Variants in DEFB121 observed in about 807,000 individuals in gnomAD.
DEFB121 encodes beta-defensin 121.
In DEFB121, 5 loss-of-function variants were observed where a neutral mutation model predicts 2.5. The ratio of observed to expected loss-of-function variants is 1.96; its 90% CI spans 1.03 to 4.13. The LOEUF (loss-of-function observed/expected upper bound fraction) is 4.13. Among genes scored for constraint, DEFB121 ranks in the 30% most tolerant of loss-of-function variants. DEFB121 has a pLI of 0.00. For missense variants in DEFB121, 87 were observed against 85.0 expected, an observed-to-expected ratio of 1.02 and a Z score of -0.09; for synonymous variants, 39 against 32.6, an observed-to-expected ratio of 1.20 and a Z score of -0.67.
At chr20:31,408,172 A>T (rs1978546704), upstream of DEFB121, among the ~76,000 whole-genome samples, 1 of 152,218 alleles carries the variant, frequency 6.6e-6, no homozygotes, top group African/African-American at 2.4e-5. Flanking sequence ...AGCCAGGAGC[A>T]GAGGCTCCTG....
At chr20:31,409,398 T>C (rs1302045170), upstream of DEFB121, among the ~76,000 whole-genome samples, 5 of 152,306 alleles carry the variant, frequency 3.3e-5, no homozygotes, top group Admixed American at 3.3e-4. Flanking sequence ...TGTAATAGAA[T>C]ACTATTCAGC....
chr20:31,405,728 C>T (rs1165371372), intron 1 of DEFB121, among the ~76,000 whole-genome samples: 1 of 152,144 alleles, frequency 6.6e-6, no homozygotes, highest in Non-Finnish European at 1.5e-5. Context: ...AATTTGAGAA[C>T]CATTTTCCTA....
In DEFB121 at chr20:31,405,044, ATGT is replaced by A. The variant is rs1239655627; in HGVS notation, c.97_99del (p.Thr33del). The A allele has an allele frequency of 1.2e-6, 2 of 1,610,612 alleles. No individual in the cohort carries two copies. Among genetic ancestry groups the A allele is most frequent in the Non-Finnish European group, 1.7e-6 (2 of 1,179,220 alleles). On this transcript the variant is annotated inframe_deletion, in exon 2 of 2. Coordinates refer to ENST00000376314, the MANE Select transcript of DEFB121 (RefSeq NM_001011878.3). ...ATATAGTATACTTCACTTTCTTTAC[ATGT>A]TGTTCTGCACCTGCCTGACTTGCCC...
chr20:31,418,068 G>T, the DEFB121 span, among the ~76,000 whole-genome samples: 1 of 150,242 alleles, frequency 6.7e-6, no homozygotes, highest in African/African-American at 2.4e-5. Context: ...AGACCATCCC[G>T]GCTAAAACGG....
chr20:31,418,454 T>C, the DEFB121 span, among the ~76,000 whole-genome samples: 1 of 152,088 alleles, frequency 6.6e-6, no homozygotes, highest in East Asian at 1.9e-4. Flanking sequence ...CAACTCTAGA[T>C]AGAAAACTGG....
chr20:31,411,753 C>A (rs1978671827), intron 1 of DEFB121, among the ~76,000 whole-genome samples: 1 of 152,124 alleles, frequency 6.6e-6, no homozygotes, highest in South Asian at 2.1e-4. Context: ...TGTCCAGGAG[C>A]CTGGAGTCCA....
chr20:31,410,625 A>T (rs1260011357), upstream of DEFB121, among the ~76,000 whole-genome samples: 1 of 152,178 alleles, frequency 6.6e-6, no homozygotes, highest in African/African-American at 2.4e-5. Context: ...TGCTATATTG[A>T]CAAGGGGCTT....
upstream of DEFB121, among the ~76,000 whole-genome samples, chr20:31,408,766 C>T (rs1978568729): frequency 6.6e-6 from 1 of 152,218 alleles, no homozygotes; most frequent in African/African-American, 2.4e-5. Flanking sequence ...TGGCTCACGC[C>T]TGTAATTCCA....
chr20:31,406,051 A>C (rs541858498), intron 1 of DEFB121, 44 bp downstream of exon 1: 4 of 1,609,304 alleles, frequency 2.5e-6, no homozygotes, highest in Non-Finnish European at 3.4e-6. Flanking sequence ...CTGAACATGC[A>C]TCAGGTTTCC....
chr20:31,406,074 C>T, intron 1 of DEFB121, 21 bp downstream of exon 1: 8 of 1,613,802 alleles, frequency 5.0e-6, no homozygotes, highest in Non-Finnish European at 6.8e-6. Flanking sequence ...ACTCCCATCC[C>T]CTTCTGGAGA....
chr20:31,409,665 C>A (rs1313456563), upstream of DEFB121, among the ~76,000 whole-genome samples: 1 of 152,054 alleles, frequency 6.6e-6, no homozygotes, highest in Non-Finnish European at 1.5e-5. Context: ...TGCTTGAACC[C>A]GGGAGGCGGA....
At chr20:31,416,105 G>A (rs1376120352), upstream of DEFB121, among the ~76,000 whole-genome samples, 1 of 151,914 alleles carries the variant, frequency 6.6e-6, no homozygotes, top group African/African-American at 2.4e-5. Context: ...CTGTCACACA[G>A]GCTGGAGTTC....
At chr20:31,417,778 C>T (rs901022030), upstream of DEFB121, among the ~76,000 whole-genome samples, 4 of 151,926 alleles carry the variant, frequency 2.6e-5, no homozygotes, top group African/African-American at 9.7e-5. Flanking sequence ...GCCTGGCCAA[C>T]ATGGTGAAAC....
chr20:31,409,244 ACTC>A (rs566973021), upstream of DEFB121, among the ~76,000 whole-genome samples: 144 of 152,222 alleles, frequency 9.5e-4, no homozygotes, highest in African/African-American at 3.3e-3. Flanking sequence ...CAACCAAACA[ACTC>A]CTCTCTTTGG....
At chr20:31,410,015 A>G (rs777991728), upstream of DEFB121, among the ~76,000 whole-genome samples, 1 of 152,338 alleles carries the variant, frequency 6.6e-6, no homozygotes, top group Non-Finnish European at 1.5e-5. Flanking sequence ...CAAAATTTAC[A>G]CATTATGTTT....
At chr20:31,412,744 A>G in exon 1 of DEFB121, 1 of 1,141,392 alleles carries the variant, frequency 8.8e-7, no homozygotes, top group Non-Finnish European at 1.2e-6. Flanking sequence ...AGTAGCTCAG[A>G]GATCTCTCTG....
upstream of DEFB121, among the ~76,000 whole-genome samples, chr20:31,416,130 G>A (rs148383838): frequency 9.9e-5 from 15 of 152,012 alleles, no homozygotes; most frequent in East Asian, 2.7e-3. Flanking sequence ...GCACGATCTC[G>A]GCTCACTGCA....
intron 1 of DEFB121, 68 bp downstream of exon 1, chr20:31,406,027 G>A (rs531773351): frequency 4.5e-6 from 7 of 1,569,536 alleles, no homozygotes; most frequent in Non-Finnish European, 8.7e-7. Context: ...ACCTGTCAGA[G>A]TCCCCAGAGT....
chr20:31,413,188 G>A (rs756202123), upstream of DEFB121, among the ~76,000 whole-genome samples: 6 of 152,180 alleles, frequency 3.9e-5, no homozygotes, highest in East Asian at 1.9e-4. Context: ...ACAAAGGTGC[G>A]GGGAGATGAG....
Sources: gnomAD v4.1 joint callset for allele counts (sites outside exome capture counted in the v4.1 genomes callset) on GRCh38, gnomAD v4.1.1 for gene constraint, MANE v1.5 for transcripts, NCBI Gene and HGNC (gene_info 2026-07-23, HGNC 2026-07-21) for gene names.